GSKIP: variants seen among roughly 807,000 people sequenced by gnomAD.
GSKIP encodes the protein GSK3B interacting protein.
Under a neutral mutation model 11.9 loss-of-function variants are expected in GSKIP, and 5 were observed. The ratio of observed to expected loss-of-function variants is 0.42; its 90% CI spans 0.22 to 0.89. The LOEUF (loss-of-function observed/expected upper bound fraction) is 0.89, where lower values mean the gene tolerates loss of function less well. Ranked by LOEUF, GSKIP falls within the 40% of genes least tolerant of loss-of-function variation. The pLI, the probability that GSKIP is intolerant of heterozygous loss-of-function variation, is 0.29. For synonymous variants in GSKIP, 70 were observed against 62.9 expected, an observed-to-expected ratio of 1.11 and a Z score of -0.54; for missense variants, 150 against 166.6, an observed-to-expected ratio of 0.90 and a Z score of 0.55.
At chr14:96,383,447 G>C (rs1376759522) in intron 3 of GSKIP, among the ~76,000 whole-genome samples, 1 of 151,458 alleles carries the variant, frequency 6.6e-6, no homozygotes, top group Non-Finnish European at 1.5e-5. Context: ...CAAAGGGATA[G>C]ACATTAGAAA....
In GSKIP at chr14:96,376,822, A is replaced by G. The variant is rs191224704; in HGVS notation, c.-102-2866A>G. Among the ~76,000 whole-genome samples the G allele has an allele frequency of 2.0e-5, 3 of 152,366 alleles. No individual in the cohort carries two copies. The East Asian group carries it at 5.8e-4, about 29-fold the overall frequency. ...TCTAGTGCTTAAAAAAAAGTCGGCT[A>G]TGTAGGTACCGAGTGGATTATGATA... On this transcript the variant is annotated intron_variant, in intron 1 of 3. Coordinates refer to ENST00000555181, the MANE Select transcript of GSKIP (RefSeq NM_016472.5).
At chr14:96,371,502 T>C (rs1306726928) in intron 1 of GSKIP, among the ~76,000 whole-genome samples, 5 of 148,422 alleles carry the variant, frequency 3.4e-5, no homozygotes. Flanking sequence ...TGGAGTACAC[T>C]GGTGCAATCT....
At chr14:96,380,605 A>G (rs911935836) in intron 2 of GSKIP, among the ~76,000 whole-genome samples, 2 of 152,210 alleles carry the variant, frequency 1.3e-5, no homozygotes, top group Non-Finnish European at 2.9e-5. Flanking sequence ...GATTTTGAAT[A>G]TTACACAAAT....
At chr14:96,380,455 G>T (rs1889314893) in intron 2 of GSKIP, among the ~76,000 whole-genome samples, 1 of 151,988 alleles carries the variant, frequency 6.6e-6, no homozygotes, top group Non-Finnish European at 1.5e-5. Context: ...TCACTCAGGA[G>T]CTCTGAAAAA....
At chr14:96,363,914 C>T (rs2139921673) in intron 1 of GSKIP, 1 of 152,514 alleles carries the variant, frequency 6.6e-6, no homozygotes, top group South Asian at 2.1e-4. Flanking sequence ...CTTCGGCCCC[C>T]GCCTCATTCA....
intron 1 of GSKIP, chr14:96,364,458 T>A (rs1163718563): frequency 6.6e-6 from 1 of 152,228 alleles, no homozygotes; most frequent in African/African-American, 2.4e-5. Context: ...AGCTGTTTAA[T>A]CACAGTGAAT....
intron 1 of GSKIP, among the ~76,000 whole-genome samples, chr14:96,367,788 G>A: frequency 6.6e-6 from 1 of 152,220 alleles, no homozygotes; most frequent in South Asian, 2.1e-4. Context: ...AATAATTTAT[G>A]TATGATGTTT....
At chr14:96,364,915 A>G (rs1888829514) in intron 1 of GSKIP, 1 of 152,248 alleles carries the variant, frequency 6.6e-6, no homozygotes, top group South Asian at 2.1e-4. Flanking sequence ...GAGTGCCTGC[A>G]ATTTCAAATA....
intron 1 of GSKIP, among the ~76,000 whole-genome samples, chr14:96,366,074 C>A (rs1187787207): frequency 6.6e-6 from 1 of 151,928 alleles, no homozygotes; most frequent in Non-Finnish European, 1.5e-5. Flanking sequence ...TAGTTAGAAG[C>A]AGTTGGATTC....
intron 1 of GSKIP, among the ~76,000 whole-genome samples, chr14:96,367,044 G>A (rs900435251): frequency 6.6e-6 from 1 of 152,190 alleles, no homozygotes; most frequent in Admixed American, 6.5e-5. Context: ...AATGTAAAGA[G>A]CACCTAACTT....
At chr14:96,382,675 C>CT (rs1399806051) in intron 3 of GSKIP, among the ~76,000 whole-genome samples, 170 bp downstream of exon 3, 1 of 151,988 alleles carries the variant, frequency 6.6e-6, no homozygotes, top group African/African-American at 2.4e-5. Context: ...ATTTTAAAGG[C>CT]TTTTGATCGA....
At position 96,385,679 on chromosome 14, in the gene GSKIP, T is replaced by A. The variant is rs773187816; in HGVS notation, c.415T>A (p.Ser139Thr). The A allele has an allele frequency of 6.2e-7, 1 of 1,609,566 alleles. No individual in the cohort carries two copies. Among genetic ancestry groups the A allele is most frequent in the South Asian group, 1.1e-5 (1 of 90,808 alleles). The change falls in exon 4 of 4, where the codon TCA becomes ACA. Residue 139 changes from serine to threonine, a missense_variant. By Grantham distance (58) the Ser-to-Thr change is moderately conservative. Transcript: ENST00000555181. ...RLEALKRDGQS is the reference protein window; with the variant it reads ...RLEALKRDGQT ...GGAAGCTTTGAAAAGAGATGGACAG[T>A]CATGACTACACTTTTTCCTTTCAGA...
intron 3 of GSKIP, 32 bp downstream of exon 3, chr14:96,382,537 T>C (rs1889376284): frequency 1.9e-6 from 3 of 1,539,970 alleles, no homozygotes; most frequent in South Asian, 1.2e-5. Context: ...AAAAAAAAAT[T>C]ATTTATGTCT....
chr14:96,364,082 G>C (rs534829633), intron 1 of GSKIP: 1 of 152,490 alleles, frequency 6.6e-6, no homozygotes, highest in South Asian at 2.1e-4. Flanking sequence ...CTTGAGAAAT[G>C]CTAAAGGCTC....
At chr14:96,382,088 C>A (rs993550647) in intron 2 of GSKIP, among the ~76,000 whole-genome samples, 159 bp from the exon 3 acceptor site, 15 of 152,040 alleles carry the variant, frequency 9.9e-5, no homozygotes, top group Non-Finnish European at 1.6e-4. Context: ...CTGTGAAAAA[C>A]CACTAGAAAT....
At chr14:96,385,457 C>T (rs2139946808) in intron 3 of GSKIP, 66 bp from the exon 4 acceptor site, 1 of 1,282,702 alleles carries the variant, frequency 7.8e-7, no homozygotes, top group East Asian at 2.4e-5. Flanking sequence ...CTCACATAAA[C>T]ACTTGGATTT....
At chr14:96,370,233 T>C (rs921231524) in intron 1 of GSKIP, among the ~76,000 whole-genome samples, 1 of 152,246 alleles carries the variant, frequency 6.6e-6, no homozygotes, top group African/African-American at 2.4e-5. Flanking sequence ...CACAAGCTTA[T>C]AGCTGCAAGG....
At chr14:96,378,615 T>A (rs116344866) in intron 1 of GSKIP, among the ~76,000 whole-genome samples, 1 of 152,226 alleles carries the variant, frequency 6.6e-6, no homozygotes, top group Non-Finnish European at 1.5e-5. Flanking sequence ...AGGACACTAA[T>A]TGATATCCAA....
At chr14:96,368,760 CTCCT>C (rs1888968305) in intron 1 of GSKIP, among the ~76,000 whole-genome samples, 1 of 152,122 alleles carries the variant, frequency 6.6e-6, no homozygotes, top group Admixed American at 6.5e-5. Flanking sequence ...CCCTCCCTCC[CTCCT>C]TCCTTCCTTC....
Sources: allele counts gnomAD v4.1 joint callset (sites outside exome capture counted in the v4.1 genomes callset), GRCh38; gene constraint gnomAD v4.1.1; transcripts MANE v1.5; gene names NCBI Gene and HGNC (gene_info 2026-07-23, HGNC 2026-07-21).